The following CNTN1 variants were observed in gnomAD, a reference collection of about 807,000 sequenced individuals.
CNTN1 encodes the protein contactin 1, also known as contactin-1.
Under a neutral mutation model 126.4 loss-of-function variants are expected in CNTN1, and 38 were observed. That is an observed-to-expected ratio of 0.30 (90% CI 0.23 to 0.39). The LOEUF (loss-of-function observed/expected upper bound fraction) is 0.39. Ranked by LOEUF, CNTN1 falls within the 10% of genes least tolerant of loss-of-function variation. The probability of loss-of-function intolerance (pLI) is 1.00; values close to 1 mark genes in which losing one functional copy is unlikely to be tolerated. For missense variants in CNTN1, 1,009 were observed against 1,248.4 expected, an observed-to-expected ratio of 0.81 and a Z score of 2.89; for synonymous variants, 413 against 422.6, an observed-to-expected ratio of 0.98 and a Z score of 0.28.
At chr12:40,977,299 C>G (rs1947702183) in intron 15 of CNTN1, among the ~76,000 whole-genome samples, 1 of 152,074 alleles carries the variant, frequency 6.6e-6, no homozygotes, top group Non-Finnish European at 1.5e-5. Context: ...GCAGATGAAG[C>G]CTTCAGGTAG....
intron 3 of CNTN1, 94 bp downstream of exon 3, chr12:40,910,199 G>A (rs1413379419): frequency 6.0e-6 from 6 of 995,462 alleles, no homozygotes; most frequent in Non-Finnish European, 9.5e-6. Flanking sequence ...TAAACTTTAA[G>A]GCAAATGGTT....
At position 40,971,821 on chromosome 12, in the gene CNTN1, C is replaced by T. The variant is rs1947521896; in HGVS notation, c.1805-9088C>T. 1.7e-5 allele frequency: 20 copies of T among 1,143,662 alleles called. No individual in the cohort carries two copies. In the South Asian group the frequency reaches 3.0e-4, roughly 17 times the overall value. The allele number at this position is 1,143,662 out of a possible 1,614,324, so 70.8% of individuals were successfully genotyped here. On this transcript the variant is annotated intron_variant, in intron 15 of 23. Transcript: ENST00000551295. ...TGAAATTATATAGCCCAGAAATTAG[C>T]TCATTATCTGAAAAACGTATGAAGA... is the stretch of plus-strand genomic sequence containing the variant.
intron 1 of CNTN1, among the ~76,000 whole-genome samples, chr12:40,752,290 A>G (rs539015541): frequency 5.3e-5 from 8 of 152,192 alleles, no homozygotes; most frequent in Admixed American, 4.6e-4. Context: ...CTGTTTCAGA[A>G]CTACAACGTG....
chr12:40,759,785 T>A (rs2136413765), intron 1 of CNTN1, among the ~76,000 whole-genome samples: 1 of 151,408 alleles, frequency 6.6e-6, no homozygotes, highest in East Asian at 1.9e-4. Flanking sequence ...TTTTTTTTTT[T>A]TTTTTTTTCA....
chr12:40,956,332 C>T (rs1946880027), intron 14 of CNTN1, among the ~76,000 whole-genome samples: 1 of 152,008 alleles, frequency 6.6e-6, no homozygotes, highest in African/African-American at 2.4e-5. Context: ...TTATAGTCGG[C>T]CAGGGAGAAC....
intron 17 of CNTN1, among the ~76,000 whole-genome samples, chr12:41,006,976 A>G (rs923128072): frequency 4.1e-4 from 61 of 149,574 alleles, no homozygotes; most frequent in African/African-American, 1.4e-3. Flanking sequence ...AGTTTGAAGG[A>G]GAGAGAAAAA....
rs534707338 is a variant in CNTN1 at position 40,810,781 on chromosome 12, C to T, written c.-76-97576C>T. Among the ~76,000 whole-genome samples, 4 of 152,224 alleles carry T rather than the reference C, an allele frequency of 2.6e-5. No homozygotes were observed. The South Asian group carries it at 8.3e-4, about 32-fold the overall frequency. On this transcript the variant is annotated intron_variant, in intron 1 of 23. Transcript: ENST00000551295. The stretch of plus-strand genomic sequence containing the variant: ...CCTATAATTTCAGACCTTTGGGAGG[C>T]TAAGACTGCAGGATTGCTTGAGGGC...
chr12:40,872,010 G>T (rs1401623137), intron 1 of CNTN1, among the ~76,000 whole-genome samples: 1 of 152,104 alleles, frequency 6.6e-6, no homozygotes, highest in African/African-American at 2.4e-5. Flanking sequence ...GAGAGGAAAT[G>T]ATAAAAAACT....
chr12:40,729,602 G>T, intron 1 of CNTN1: 1 of 229,166 alleles, frequency 4.4e-6, no homozygotes, highest in South Asian at 7.7e-5. Flanking sequence ...CCAAGCAAAT[G>T]AATTTTCAGT....
Position 40,712,392 on chromosome 12 carries a change from G to A in CNTN1, c.-77+19800G>A, listed in dbSNP as rs188524406. ...AGTAGTGGATAGGAACTAAGTAGAGGTTTCAAATGTGTATCTGCTATTTTA... is the reference window on the plus strand; with the variant it reads ...AGTAGTGGATAGGAACTAAGTAGAGATTTCAAATGTGTATCTGCTATTTTA... On this transcript the variant is annotated intron_variant, in intron 1 of 23. Coordinates refer to ENST00000551295, the MANE Select transcript of CNTN1 (RefSeq NM_001843.4). 3.3e-5 allele frequency among the ~76,000 whole-genome samples: 5 copies of A among 152,158 alleles called. No homozygotes were observed. In the East Asian group the frequency reaches 9.6e-4, roughly 29 times the overall value.
chr12:40,828,425 A>C (rs1170363173), intron 1 of CNTN1: 1 of 152,168 alleles, frequency 6.6e-6, no homozygotes, highest in Middle Eastern at 3.4e-3. Context: ...CAGCATCAGG[A>C]CTCTCAATTG....
chr12:40,709,216 C>T (rs1214006618), intron 1 of CNTN1, among the ~76,000 whole-genome samples: 1 of 152,216 alleles, frequency 6.6e-6, no homozygotes. Flanking sequence ...CTTCATACAT[C>T]TCCCCCAGTG....
intron 1 of CNTN1, among the ~76,000 whole-genome samples, chr12:40,819,586 C>G (rs149028521): frequency 6.6e-6 from 1 of 152,176 alleles, no homozygotes; most frequent in Non-Finnish European, 1.5e-5. Context: ...GCCCTTCCCC[C>G]CGCCCAGGGA....
intron 1 of CNTN1, among the ~76,000 whole-genome samples, chr12:40,766,670 G>A (rs1241884262): frequency 1.3e-5 from 2 of 152,230 alleles, no homozygotes; most frequent in African/African-American, 4.8e-5. Context: ...ATATATTAGA[G>A]TGTGATACAT....
At chr12:40,925,368 C>A (rs1445733957) in intron 6 of CNTN1, among the ~76,000 whole-genome samples, 1 of 151,240 alleles carries the variant, frequency 6.6e-6, no homozygotes, top group African/African-American at 2.4e-5. Flanking sequence ...TAATATTATG[C>A]CTTAAATTTG....
At chr12:40,885,368 C>A (rs545448858) in intron 1 of CNTN1, among the ~76,000 whole-genome samples, 1 of 151,772 alleles carries the variant, frequency 6.6e-6, no homozygotes, top group Non-Finnish European at 1.5e-5. Flanking sequence ...TAAAGAACAC[C>A]ATTTTTTATG....
At chr12:40,888,767 A>G (rs1279152767) in intron 1 of CNTN1, among the ~76,000 whole-genome samples, 1 of 152,230 alleles carries the variant, frequency 6.6e-6, no homozygotes, top group East Asian at 1.9e-4. Flanking sequence ...GGCCCATTTT[A>G]TCAGTTTAAT....
At chr12:40,740,848 C>T (rs1005463090) in intron 1 of CNTN1, among the ~76,000 whole-genome samples, 4 of 152,072 alleles carry the variant, frequency 2.6e-5, no homozygotes, top group East Asian at 1.9e-4. Context: ...TCTTGCCTGC[C>T]GCCATGTAAG....
At chr12:40,787,178 T>C (rs576532010) in intron 1 of CNTN1, among the ~76,000 whole-genome samples, 18 of 152,264 alleles carry the variant, frequency 1.2e-4, no homozygotes, top group Admixed American at 1.1e-3. Context: ...ATATAACCTC[T>C]CAATTGTTTA....
Sources: allele counts gnomAD v4.1 joint callset (sites outside exome capture counted in the v4.1 genomes callset), GRCh38; gene constraint gnomAD v4.1.1; transcripts MANE v1.5; gene names NCBI Gene and HGNC (gene_info 2026-07-23, HGNC 2026-07-21).